The following FZD3 variants were observed in gnomAD, a reference collection of about 807,000 sequenced individuals.
FZD3 encodes the protein frizzled class receptor 3.
In FZD3, 30 loss-of-function variants were observed where a neutral mutation model predicts 60.7. The ratio of observed to expected loss-of-function variants is 0.49; its 90% CI spans 0.37 to 0.67. The LOEUF (loss-of-function observed/expected upper bound fraction) is 0.67, where lower values mean the gene tolerates loss of function less well. Among genes scored for constraint, FZD3 ranks in the 30% least tolerant of loss-of-function variants. FZD3 has a pLI of 0.00. For missense variants in FZD3, 605 were observed against 838.7 expected (o/e 0.72, Z 3.44); for synonymous variants, 246 against 275.2 (o/e 0.89, Z 1.05).
intron 4 of FZD3, 89 bp downstream of exon 4, chr8:28,520,923 CTT>C: frequency 1.1e-6 from 1 of 912,746 alleles, no homozygotes; most frequent in Non-Finnish European, 1.6e-6. Flanking sequence ...TTTTAAAAAA[CTT>C]TTTTTGAAGT....
At chr8:28,494,642 G>C (rs1258205024) in intron 1 of FZD3, among the ~76,000 whole-genome samples, 2 of 152,004 alleles carry the variant, frequency 1.3e-5, no homozygotes, top group African/African-American at 4.8e-5. Context: ...GGGCTAAGGG[G>C]GGAGCTGCCC....
intron 5 of FZD3, among the ~76,000 whole-genome samples, chr8:28,546,510 G>A (rs11783087): frequency 0.54 from 81,469 of 151,944 alleles, 22,407 homozygotes; most frequent in South Asian, 0.64. Flanking sequence ...ATCCCCTATT[G>A]TTGACCTGTT....
chr8:28,567,791 G>A lies in FZD3; in HGVS notation c.*4780G>A, dbSNP rs560066710. On this transcript the variant is annotated 3_prime_UTR_variant, in exon 8 of 8. Transcript: ENST00000240093. ...TTTAATATGTGTTATACCAGAGTAT[G>A]CCTCAAATTTTATGTAGTTGAATTT... 3.6e-4 allele frequency: 55 copies of A among 152,250 alleles called. No individual in the cohort carries two copies. Among genetic ancestry groups the A allele is most frequent in the African/African-American group, 1.2e-3 (51 of 41,554 alleles). The allele number at this position is 152,250 out of a possible 1,614,324, so 9.4% of individuals were successfully genotyped here.
Position 28,562,011 on chromosome 8 carries a change from T to A in FZD3, c.1788-787T>A, listed in dbSNP as rs77673288. On this transcript the variant is annotated intron_variant, in intron 7 of 7. Coordinates refer to ENST00000240093, the MANE Select transcript of FZD3 (RefSeq NM_017412.4). ...AATTTAACAGCCCCACTGCTGCTTT[T>A]CAAGATAAGTGCAGAGGAGATAGCC... Among the ~76,000 whole-genome samples, 715 of 152,284 alleles carry A rather than the reference T, an allele frequency of 4.7e-3. 24 individuals carry two copies. In the East Asian group the frequency reaches 0.091, roughly 19 times the overall value.
At chr8:28,516,766 C>A (rs1031738497) in intron 3 of FZD3, among the ~76,000 whole-genome samples, 3 of 151,878 alleles carry the variant, frequency 2.0e-5, no homozygotes, top group Middle Eastern at 3.4e-3. Context: ...ATTTTGCATT[C>A]TTTTTTTTCT....
Position 28,572,971 on chromosome 8 carries a change from C to T in FZD3, c.*9960C>T, listed in dbSNP as rs987880537. The T allele has an allele frequency of 3.3e-5, 5 of 152,010 alleles. No individual in the cohort carries two copies. Among genetic ancestry groups the T allele is most frequent in the Non-Finnish European group, 5.9e-5 (4 of 67,970 alleles). The allele number at this position is 152,010 out of a possible 1,614,324, so 9.4% of individuals were successfully genotyped here. On this transcript the variant is annotated 3_prime_UTR_variant, in exon 8 of 8. Coordinates refer to ENST00000240093, the MANE Select transcript of FZD3 (RefSeq NM_017412.4). Reference sequence around the variant, plus strand: ...ATAATAAGGGTAAAAGATTAGCCAACAAAAGCTAATCTAGTACACCCCATA... The same window carrying T: ...ATAATAAGGGTAAAAGATTAGCCAATAAAAGCTAATCTAGTACACCCCATA...
intron 5 of FZD3, among the ~76,000 whole-genome samples, chr8:28,548,368 G>A (rs1381623781): frequency 6.6e-6 from 1 of 151,916 alleles, no homozygotes; most frequent in Non-Finnish European, 1.5e-5. Context: ...CTGGAGTGCA[G>A]TGGCGCGATG....
chr8:28,556,859 G>T (rs1210943499), intron 7 of FZD3, among the ~76,000 whole-genome samples: 1 of 152,208 alleles, frequency 6.6e-6, no homozygotes, highest in Non-Finnish European at 1.5e-5. Context: ...TAGGGAGGGG[G>T]TTGGTTTCAC....
At chr8:28,543,505 C>T (rs1394887373) in intron 5 of FZD3, among the ~76,000 whole-genome samples, 2 of 152,098 alleles carry the variant, frequency 1.3e-5, no homozygotes, top group African/African-American at 2.4e-5. Context: ...CTCAGCTTCC[C>T]GAGCAGCTGG....
At chr8:28,540,117 CAG>C (rs1805124860) in intron 5 of FZD3, among the ~76,000 whole-genome samples, 2 of 152,162 alleles carry the variant, frequency 1.3e-5, no homozygotes, top group South Asian at 4.1e-4. Flanking sequence ...TATAGCTAGC[CAG>C]GCTGTTGTAG....
intron 4 of FZD3, 45 bp downstream of exon 4, chr8:28,520,879 T>A (rs1197594585): frequency 7.7e-7 from 1 of 1,301,602 alleles, no homozygotes; most frequent in Non-Finnish European, 1.1e-6. Flanking sequence ...TATGTTGCAA[T>A]ATGTTTAAAA....
chr8:28,497,854 G>A (rs1341110551), intron 1 of FZD3, among the ~76,000 whole-genome samples: 3 of 152,112 alleles, frequency 2.0e-5, no homozygotes, highest in Admixed American at 6.5e-5. Context: ...TTCCCACCGA[G>A]TTCTTTGGGT....
chr8:28,555,000 T>G lies in FZD3; in HGVS notation c.1554-738T>G, dbSNP rs190760072. ...TCTTGTATTAATTTAATTACTGCCTTGTTCATCATCGTAAACCATCTGTCT... is the reference window on the plus strand; with the variant it reads ...TCTTGTATTAATTTAATTACTGCCTGGTTCATCATCGTAAACCATCTGTCT... On this transcript the variant is annotated intron_variant, in intron 6 of 7. Transcript: ENST00000240093. Among the ~76,000 whole-genome samples the G allele has an allele frequency of 9.8e-5, 15 of 152,298 alleles. 1 individual carries two copies. In the East Asian group the frequency reaches 1.9e-3, roughly 20 times the overall value.
rs569436046 is a variant in FZD3, at chr8:28,568,173, A to G, written c.*5162A>G. On this transcript the variant is annotated 3_prime_UTR_variant, in exon 8 of 8. Transcript: ENST00000240093. ...CATTTTTATGGAACCTAGATTTACA[A>G]AGGAACTTGTGATTCTTTTCAATGC... is the stretch of plus-strand genomic sequence containing the variant. The G allele has an allele frequency of 2.0e-5, 3 of 152,286 alleles. No homozygotes were observed. Among genetic ancestry groups the G allele is most frequent in the South Asian group, 2.1e-4 (1 of 4,828 alleles). 9.4% of individuals were successfully genotyped at this position (152,286 alleles called of 1,614,324 possible). A position where few individuals can be genotyped will look rare whatever the true frequency, so the allele number is the denominator to read the frequency against.
At position 28,535,095 on chromosome 8, in the gene FZD3, A is replaced by T. The variant is rs1041200217; in HGVS notation, c.1404+6931A>T. ...AAAATTAGTTCCTGAATTTTTTATCATGTTTTTTCAAAATACCAATTGGGT... is the reference window on the plus strand; with the variant it reads ...AAAATTAGTTCCTGAATTTTTTATCTTGTTTTTTCAAAATACCAATTGGGT... On this transcript the variant is annotated intron_variant, in intron 5 of 7. Transcript: ENST00000240093. Among the ~76,000 whole-genome samples, 69 of 152,332 alleles carry T rather than the reference A, an allele frequency of 4.5e-4. 1 individual carries two copies. The highest frequency in any genetic ancestry group is 1.4e-3 in the African/African-American group (57 of 41,592).
intron 7 of FZD3, among the ~76,000 whole-genome samples, chr8:28,561,755 A>G (rs534191348): frequency 3.9e-5 from 6 of 152,342 alleles, no homozygotes; most frequent in Non-Finnish European, 4.4e-5. Context: ...AGTATAAACA[A>G]AAAGTATTTT....
chr8:28,540,293 G>A (rs1314246236), intron 5 of FZD3, among the ~76,000 whole-genome samples: 1 of 152,158 alleles, frequency 6.6e-6, no homozygotes. Flanking sequence ...GCAATGGCAC[G>A]ATCTCGGCTC....
intron 5 of FZD3, among the ~76,000 whole-genome samples, chr8:28,550,117 C>T (rs1585996315): frequency 6.6e-6 from 1 of 151,922 alleles, no homozygotes; most frequent in South Asian, 2.1e-4. Context: ...TAGAATTTTC[C>T]TATGAAACTT....
intron 6 of FZD3, among the ~76,000 whole-genome samples, chr8:28,552,863 GA>G (rs933335013): frequency 6.0e-5 from 9 of 149,990 alleles, no homozygotes; most frequent in South Asian, 2.1e-4. Flanking sequence ...AAATATTTGG[GA>G]AAAAAAAAAT....
Sources: gnomAD v4.1 joint callset for allele counts (sites outside exome capture counted in the v4.1 genomes callset) on GRCh38, gnomAD v4.1.1 for gene constraint, MANE v1.5 for transcripts, NCBI Gene and HGNC (gene_info 2026-07-23, HGNC 2026-07-21) for gene names.